Variants in HSD17B3 observed in about 807,000 individuals in gnomAD.
HSD17B3 encodes the protein 17-beta-hydroxysteroid dehydrogenase type 3.
HSD17B3 carries 29 observed loss-of-function variants against 41.1 expected under a neutral mutation model. The ratio of observed to expected loss-of-function variants is 0.71; its 90% CI spans 0.53 to 0.96. The LOEUF (loss-of-function observed/expected upper bound fraction) is 0.96, where lower values mean the gene tolerates loss of function less well. Ranked by LOEUF, HSD17B3 falls within the 40% of genes least tolerant of loss-of-function variation. The probability of loss-of-function intolerance (pLI) is 0.00; values close to 1 mark genes in which losing one functional copy is unlikely to be tolerated. For synonymous variants in HSD17B3, 126 were observed against 145.6 expected (o/e 0.87, Z 0.97); for missense variants, 323 against 374.6 (o/e 0.86, Z 1.14).
At position 96,294,056 on chromosome 9, in the gene HSD17B3, G is replaced by A. The variant is rs34372619; in HGVS notation, c.201+4360C>T. Among the ~76,000 whole-genome samples the A allele has an allele frequency of 6.4e-3, 967 of 152,276 alleles. 4 individuals are homozygous for A. The highest frequency in any genetic ancestry group is 0.027 in the Middle Eastern group (8 of 294). On this transcript the variant is annotated intron_variant, in intron 2 of 10. Transcript: ENST00000375263. ...CAGGGAGAGAACAGGATCTCTGGAA[G>A]GGAGAAAAGCCTACATGAAGGAGAG...
intron 5 of HSD17B3, 125 bp downstream of exon 5, chr9:96,251,293 A>G: frequency 2.6e-6 from 2 of 772,992 alleles, no homozygotes; most frequent in Non-Finnish European, 4.6e-6. Context: ...GCCTCAATAC[A>G]TACAGTCCAG....
At chr9:96,287,697 G>A (rs1254443665) in intron 2 of HSD17B3, among the ~76,000 whole-genome samples, 15 of 151,870 alleles carry the variant, frequency 9.9e-5, no homozygotes, top group Admixed American at 6.6e-4. Flanking sequence ...GCAAGAGAGC[G>A]AGACTCCGTC....
rs1444054927 is a variant in HSD17B3, at chr9:96,257,033, G to A, written c.202-2090C>T. Among the ~76,000 whole-genome samples the A allele has an allele frequency of 2.0e-5, 3 of 152,202 alleles. No individual in the cohort carries two copies. The East Asian group carries it at 5.8e-4, about 29-fold the overall frequency. On this transcript the variant is annotated intron_variant, in intron 2 of 10. Coordinates refer to ENST00000375263, the MANE Select transcript of HSD17B3 (RefSeq NM_000197.2). Reference sequence around the variant, plus strand: ...TCCCCCTTCTCTTCCTGCTGCTCCAGGCATGAGAAGTGCTCGCTCCCTCTT... The same window carrying A: ...TCCCCCTTCTCTTCCTGCTGCTCCAAGCATGAGAAGTGCTCGCTCCCTCTT...
intron 10 of HSD17B3, among the ~76,000 whole-genome samples, chr9:96,240,393 G>GT (rs1176626718): frequency 3.9e-5 from 6 of 152,090 alleles, no homozygotes; most frequent in Non-Finnish European, 7.4e-5. Context: ...TGCTTGTTTT[G>GT]TTTTTTTGCC....
chr9:96,243,827 A>C (rs1836546869), intron 9 of HSD17B3, among the ~76,000 whole-genome samples: 1 of 152,166 alleles, frequency 6.6e-6, no homozygotes, highest in African/African-American at 2.4e-5. Flanking sequence ...CTGCTCGAGA[A>C]CCAGAGTGTG....
intron 2 of HSD17B3, among the ~76,000 whole-genome samples, chr9:96,259,972 C>T (rs1825803700): frequency 6.6e-6 from 1 of 152,110 alleles, no homozygotes; most frequent in Non-Finnish European, 1.5e-5. Flanking sequence ...TTTTTGTCCT[C>T]ATGATCTTGG....
At chr9:96,239,203 A>C (rs1232448014) in intron 10 of HSD17B3, 1 of 152,572 alleles carries the variant, frequency 6.6e-6, no homozygotes, top group Non-Finnish European at 1.5e-5. Context: ...GCCCACACAC[A>C]TGGAAGGACC....
At chr9:96,262,435 G>A (rs1393105236) in intron 2 of HSD17B3, among the ~76,000 whole-genome samples, 2 of 151,400 alleles carry the variant, frequency 1.3e-5, no homozygotes, top group Non-Finnish European at 2.9e-5. Context: ...GTAGACACGG[G>A]GTTTCACGGG....
chr9:96,244,490 C>T lies in HSD17B3; in HGVS notation c.607-96G>A, dbSNP rs900320771. 1.1e-5 allele frequency: 12 copies of T among 1,087,686 alleles called. No individual in the cohort carries two copies. The African/African-American group carries it at 1.9e-4, about 17-fold the overall frequency. 67.4% of individuals were successfully genotyped at this position (1,087,686 alleles called of 1,614,324 possible). A position where few individuals can be genotyped will look rare whatever the true frequency, so the allele number is the denominator to read the frequency against. ...TCAAGGGGCACTGCAGACACACTAC[C>T]TGCTAGACCTTAAAATAGAGTGGGG... is the stretch of plus-strand genomic sequence containing the variant. On this transcript the variant is annotated intron_variant, in intron 8 of 10. Transcript: ENST00000375263.
At chr9:96,284,014 T>C (rs535726466) in intron 2 of HSD17B3, among the ~76,000 whole-genome samples, 7 of 151,982 alleles carry the variant, frequency 4.6e-5, no homozygotes. Flanking sequence ...CACAAGAAAT[T>C]CCAGACCAGC....
intron 10 of HSD17B3, among the ~76,000 whole-genome samples, chr9:96,237,975 A>G (rs987125132): frequency 4.6e-5 from 7 of 152,060 alleles, no homozygotes; most frequent in Non-Finnish European, 1.0e-4. Flanking sequence ...ACCAAAAAAA[A>G]AATTAAAACA....
At chr9:96,236,709 G>C (rs1028341336) in intron 10 of HSD17B3, among the ~76,000 whole-genome samples, 1 of 152,030 alleles carries the variant, frequency 6.6e-6, no homozygotes, top group Non-Finnish European at 1.5e-5. Context: ...TTTTCAAAGA[G>C]GGGGAAGCCT....
At chr9:96,252,948 T>C (rs1825483942) in intron 3 of HSD17B3, 38 bp from the exon 4 acceptor site, 1 of 1,275,756 alleles carries the variant, frequency 7.8e-7, no homozygotes, top group East Asian at 2.3e-5. Context: ...TGAACAGGGA[T>C]CCAAATGCCC....
intron 2 of HSD17B3, among the ~76,000 whole-genome samples, chr9:96,284,390 T>C (rs1373923766): frequency 6.6e-6 from 1 of 152,208 alleles, no homozygotes; most frequent in Non-Finnish European, 1.5e-5. Flanking sequence ...AGCACATTTG[T>C]TTCTCTCTAC....
intron 5 of HSD17B3, chr9:96,250,297 C>T (rs1290784980): frequency 9.2e-7 from 1 of 1,082,512 alleles, no homozygotes; most frequent in Non-Finnish European, 1.1e-6. Flanking sequence ...AGGAGCAACC[C>T]TGGAACTTGC....
intron 2 of HSD17B3, among the ~76,000 whole-genome samples, chr9:96,264,009 A>G (rs1825956310): frequency 6.6e-6 from 1 of 152,164 alleles, no homozygotes; most frequent in Admixed American, 6.5e-5. Context: ...CAGCACAAAA[A>G]ATAAGTATGT....
intron 2 of HSD17B3, among the ~76,000 whole-genome samples, chr9:96,264,431 GA>G (rs909041670): frequency 3.4e-4 from 52 of 150,964 alleles, no homozygotes; most frequent in Non-Finnish European, 5.8e-4. Flanking sequence ...GGAGGAGGAA[GA>G]AAAAAAAAGT....
At chr9:96,238,259 A>G (rs568932224) in intron 10 of HSD17B3, among the ~76,000 whole-genome samples, 7 of 152,306 alleles carry the variant, frequency 4.6e-5, no homozygotes, top group East Asian at 1.9e-4. Context: ...GTTCTGTTTA[A>G]GCCATCAGCA....
At chr9:96,282,992 CT>C (rs58397134) in intron 2 of HSD17B3, among the ~76,000 whole-genome samples, 12,151 of 69,202 alleles carry the variant, frequency 0.18, 584 homozygotes, top group Non-Finnish European at 0.2. Flanking sequence ...AGGTTTCTTT[CT>C]TTTTTTTTTT....
Sources: gnomAD v4.1 joint callset for allele counts (sites outside exome capture counted in the v4.1 genomes callset) on GRCh38, gnomAD v4.1.1 for gene constraint, MANE v1.5 for transcripts, NCBI Gene and HGNC (gene_info 2026-07-23, HGNC 2026-07-21) for gene names.